FOXN3: variants seen among roughly 807,000 people sequenced by gnomAD.
FOXN3 encodes forkhead box N3, also known as forkhead box protein N3.
A neutral mutation model predicts 38.4 loss-of-function variants in FOXN3; 7 were observed. That is an observed-to-expected ratio of 0.18 (90% CI 0.10 to 0.34). The LOEUF (loss-of-function observed/expected upper bound fraction) is 0.34. Among genes scored for constraint, FOXN3 ranks in the 10% least tolerant of loss-of-function variants. The pLI is 1.00. For missense variants in FOXN3, 456 were observed against 613.4 expected, an observed-to-expected ratio of 0.74 and a Z score of 2.71; for synonymous variants, 230 against 242.2, an observed-to-expected ratio of 0.95 and a Z score of 0.47.
At chr14:89,238,214 C>T (rs1384371964) in intron 4 of FOXN3, among the ~76,000 whole-genome samples, 5 of 152,206 alleles carry the variant, frequency 3.3e-5, no homozygotes, top group African/African-American at 1.2e-4. Context: ...GTTGCTGGAA[C>T]CTCCCCTTGA....
chr14:89,433,492 A>G (rs1390858022), intron 1 of FOXN3, among the ~76,000 whole-genome samples: 2 of 152,014 alleles, frequency 1.3e-5, no homozygotes, highest in East Asian at 3.9e-4. Context: ...AAACAAACAA[A>G]CAAACAAATA....
intron 1 of FOXN3, among the ~76,000 whole-genome samples, chr14:89,533,965 A>G (rs1208033316): frequency 6.6e-6 from 1 of 152,030 alleles, no homozygotes; most frequent in African/African-American, 2.4e-5. Context: ...ATCAGGGTCA[A>G]GATTTTCATT....
At chr14:89,467,098 C>A (rs1335824538) in intron 1 of FOXN3, among the ~76,000 whole-genome samples, 1 of 152,168 alleles carries the variant, frequency 6.6e-6, no homozygotes, top group Admixed American at 6.5e-5. Context: ...GGAGCCTGCC[C>A]GGGACTCCCA....
intron 4 of FOXN3, among the ~76,000 whole-genome samples, chr14:89,278,517 C>A (rs575802768): frequency 6.0e-4 from 92 of 152,272 alleles, no homozygotes; most frequent in African/African-American, 2.1e-3. Context: ...TGCTAGTGAT[C>A]CATAACTCAT....
chr14:89,558,728 G>A (rs1895178630), intron 1 of FOXN3, among the ~76,000 whole-genome samples: 1 of 152,236 alleles, frequency 6.6e-6, no homozygotes, highest in African/African-American at 2.4e-5. Context: ...GAGATGCCAT[G>A]TTCTGGAGCT....
intron 3 of FOXN3, among the ~76,000 whole-genome samples, chr14:89,299,133 AAAGTAGCTGATATGG>A (rs1887140396): frequency 6.6e-6 from 1 of 151,926 alleles, no homozygotes; most frequent in Admixed American, 6.5e-5. Context: ...CACAGCCTAG[AAAGTAGCTGATATGG>A]TTTGGCTGTG....
intron 1 of FOXN3, among the ~76,000 whole-genome samples, chr14:89,529,273 TTTTACC>T (rs1334849888): frequency 6.6e-6 from 1 of 152,162 alleles, no homozygotes; most frequent in African/African-American, 2.4e-5. Context: ...ATGCATAATA[TTTTACC>T]CCAACAAATG....
chr14:89,248,855 G>A (rs1039427127), intron 4 of FOXN3, among the ~76,000 whole-genome samples: 36 of 152,194 alleles, frequency 2.4e-4, no homozygotes, highest in African/African-American at 7.5e-4. Flanking sequence ...GCTTATTCAA[G>A]TGGAATACTT....
At chr14:89,181,847 G>C (rs900772637) in intron 4 of FOXN3, among the ~76,000 whole-genome samples, 1 of 152,198 alleles carries the variant, frequency 6.6e-6, no homozygotes, top group African/African-American at 2.4e-5. Flanking sequence ...TGAGGGGCAG[G>C]GGAGCATCAC....
intron 3 of FOXN3, among the ~76,000 whole-genome samples, chr14:89,304,643 G>A (rs1887319824): frequency 6.6e-6 from 1 of 152,120 alleles, no homozygotes; most frequent in South Asian, 2.1e-4. Flanking sequence ...GATTCTGGAT[G>A]TGTTCTGAAA....
At chr14:89,326,968 G>GCACA (rs969150502) in intron 3 of FOXN3, among the ~76,000 whole-genome samples, 1 of 152,064 alleles carries the variant, frequency 6.6e-6, no homozygotes, top group Non-Finnish European at 1.5e-5. Flanking sequence ...TACGTAATAT[G>GCACA]CACACACACA....
chr14:89,304,188 G>A (rs1181337720), intron 3 of FOXN3, among the ~76,000 whole-genome samples: 9 of 152,230 alleles, frequency 5.9e-5, no homozygotes, highest in East Asian at 3.8e-4. Flanking sequence ...ACACTCCAGC[G>A]TGTTTACATG....
At chr14:89,436,165 G>A (rs34149629) in intron 1 of FOXN3, among the ~76,000 whole-genome samples, 13,404 of 151,534 alleles carry the variant, frequency 0.088, 819 homozygotes, top group Non-Finnish European at 0.13. Flanking sequence ...TACAACTCAT[G>A]GGTAGGAAGA....
intron 1 of FOXN3, among the ~76,000 whole-genome samples, chr14:89,506,687 G>T (rs976199851): frequency 2.0e-5 from 3 of 152,328 alleles, no homozygotes; most frequent in South Asian, 2.1e-4. Flanking sequence ...ATAGAAAGGC[G>T]GGAAAGGTGG....
At chr14:89,268,044 C>T (rs1222887570) in intron 4 of FOXN3, among the ~76,000 whole-genome samples, 1 of 152,142 alleles carries the variant, frequency 6.6e-6, no homozygotes, top group Admixed American at 6.5e-5. Flanking sequence ...CACACACATG[C>T]TCATCACACT....
chr14:89,420,051 C>T (rs895352733), upstream of FOXN3, among the ~76,000 whole-genome samples: 8 of 152,118 alleles, frequency 5.3e-5, no homozygotes, highest in African/African-American at 1.7e-4. Context: ...AGGCACACAC[C>T]GCTGGCCTGC....
rs1195861534 is a variant in FOXN3 at position 89,484,292 on chromosome 14, G to T, written c.-14-71802C>A. ...CACACAACTGCCTAGGCCAGGAGTT[G>T]GTAAGCTTTTCCCATAAAAGACCAT... On this transcript the variant is annotated intron_variant, in intron 1 of 6. Transcript: ENST00000345097. This position sits in a 1 kb window ranked among gnomAD's most constrained non-coding sequence, Gnocchi z 4.0. Among the ~76,000 whole-genome samples the T allele has an allele frequency of 6.6e-6, 1 of 152,138 alleles. No individual in the cohort carries two copies. Among genetic ancestry groups the T allele is most frequent in the Non-Finnish European group, 1.5e-5 (1 of 68,022 alleles).
intron 1 of FOXN3, among the ~76,000 whole-genome samples, chr14:89,505,831 AGCGTCTCT>A (rs1237697766): frequency 1.3e-5 from 2 of 150,190 alleles, no homozygotes; most frequent in Non-Finnish European, 3.0e-5. Flanking sequence ...GGAAGTGAGG[AGCGTCTCT>A]GCCCGGCCAC....
intron 2 of FOXN3, among the ~76,000 whole-genome samples, chr14:89,352,570 G>C (rs2241128): frequency 0.17 from 25,568 of 152,144 alleles, 2,179 homozygotes; most frequent in Non-Finnish European, 0.19. Context: ...AGTGGGACCT[G>C]CCTTTCTGAT....
Sources: allele counts gnomAD v4.1 joint callset (sites outside exome capture counted in the v4.1 genomes callset), GRCh38; gene constraint gnomAD v4.1.1; non-coding constraint Gnocchi (gnomAD v3.1); transcripts MANE v1.5; gene names NCBI Gene and HGNC (gene_info 2026-07-23, HGNC 2026-07-21).